The following SMYD3 variants were observed in gnomAD, a reference collection of about 807,000 sequenced individuals.
SMYD3 encodes histone-lysine N-methyltransferase SMYD3.
A neutral mutation model predicts 57.7 loss-of-function variants in SMYD3; 36 were observed. The observed-to-expected ratio is 0.62, with a 90% CI of 0.48 to 0.82. The LOEUF (loss-of-function observed/expected upper bound fraction) is 0.82. Among genes scored for constraint, SMYD3 ranks in the 40% least tolerant of loss-of-function variants. SMYD3 has a pLI of 0.00. For missense variants in SMYD3, 515 were observed against 538.8 expected (o/e 0.96, Z 0.44); for synonymous variants, 211 against 195.0 (o/e 1.08, Z -0.68).
chr1:245,996,598 C>G (rs1466169324), intron 5 of SMYD3, among the ~76,000 whole-genome samples: 1 of 152,218 alleles, frequency 6.6e-6, no homozygotes, highest in African/African-American at 2.4e-5. Context: ...CAGTAACTAT[C>G]TGGTGAATGT....
chr1:246,228,047 G>A lies in SMYD3; in HGVS notation c.531+99154C>T, dbSNP rs150644555. 9.9e-4 allele frequency among the ~76,000 whole-genome samples: 139 copies of A among 139,980 alleles called. 5 individuals are homozygous for A. In the South Asian group the frequency reaches 0.013, roughly 13 times the overall value. The allele number at this position is 139,980 out of a possible 152,430, so 91.8% of individuals were successfully genotyped here. On this transcript the variant is annotated intron_variant, in intron 5 of 11. Transcript: ENST00000490107. Reference sequence around the variant, plus strand: ...GTGCAGTGGCAGATCTCCACTGACTGCAACCTCCGCCTCCCGGGTTCAGGC... The same window carrying A: ...GTGCAGTGGCAGATCTCCACTGACTACAACCTCCGCCTCCCGGGTTCAGGC...
chr1:246,502,165 G>A (rs1342342006), intron 1 of SMYD3, among the ~76,000 whole-genome samples: 2 of 150,150 alleles, frequency 1.3e-5, no homozygotes, highest in Non-Finnish European at 3.0e-5. Context: ...TTGAGACAGG[G>A]TCTCACTCTG....
chr1:246,412,045 G>A (rs1260414933), intron 1 of SMYD3, among the ~76,000 whole-genome samples: 1 of 150,884 alleles, frequency 6.6e-6, no homozygotes, highest in Non-Finnish European at 1.5e-5. Context: ...ACCTCTCCCT[G>A]GCTGAGCCAA....
At chr1:246,412,060 C>T (rs1182138865) in intron 1 of SMYD3, among the ~76,000 whole-genome samples, 11 of 151,872 alleles carry the variant, frequency 7.2e-5, no homozygotes, top group Non-Finnish European at 7.4e-5. Flanking sequence ...AGCCAACTTG[C>T]TTTGCGTTAA....
chr1:246,002,315 G>C (rs1481852092), intron 5 of SMYD3, among the ~76,000 whole-genome samples: 8 of 82,846 alleles, frequency 9.7e-5, no homozygotes, highest in African/African-American at 2.4e-4. Context: ...CTCCCGAGTA[G>C]CTGGGACTGC....
At chr1:246,504,369 T>G (rs1279124828) in intron 1 of SMYD3, among the ~76,000 whole-genome samples, 3 of 152,250 alleles carry the variant, frequency 2.0e-5, no homozygotes, top group African/African-American at 7.2e-5. Context: ...TTGTCTGTAC[T>G]GCCTACTGCT....
chr1:246,433,574 T>G (rs1212116705), intron 1 of SMYD3, among the ~76,000 whole-genome samples: 1 of 152,144 alleles, frequency 6.6e-6, no homozygotes, highest in Non-Finnish European at 1.5e-5. Context: ...GGCGGGAGAA[T>G]TGCTTGAATT....
chr1:246,321,395 T>G (rs903194188), intron 5 of SMYD3, among the ~76,000 whole-genome samples: 7 of 152,230 alleles, frequency 4.6e-5, no homozygotes, highest in African/African-American at 1.4e-4. Flanking sequence ...TAGATATTAG[T>G]ATTTCCATTT....
intron 5 of SMYD3, among the ~76,000 whole-genome samples, chr1:246,307,560 C>T (rs1435581547): frequency 6.6e-6 from 1 of 151,296 alleles, no homozygotes; most frequent in Non-Finnish European, 1.5e-5. Context: ...GCTGGGACTA[C>T]AGGCGCCCGC....
At chr1:245,976,465 TCGTCTCCGGCCC>T in intron 5 of SMYD3, among the ~76,000 whole-genome samples, 1 of 43,852 alleles carries the variant, frequency 2.3e-5, no homozygotes, top group African/African-American at 7.6e-5. Context: ...GGGAAAGCCA[TCGTCTCCGGCCC>T]AGGGAAAGCC....
chr1:245,836,536 T>G (rs1316491), intron 10 of SMYD3, among the ~76,000 whole-genome samples: 54,047 of 152,072 alleles, frequency 0.36, 9,733 homozygotes, highest in African/African-American at 0.42. Context: ...GGTTGGGGTT[T>G]GTGTGTTCCA....
intron 5 of SMYD3, among the ~76,000 whole-genome samples, chr1:246,234,750 A>T (rs1174463213): frequency 1.3e-5 from 2 of 152,220 alleles, no homozygotes; most frequent in Non-Finnish European, 2.9e-5. Flanking sequence ...GTGCACTGTA[A>T]ATGTTAATTT....
chr1:246,456,915 G>C (rs1294129586), intron 1 of SMYD3, among the ~76,000 whole-genome samples: 8 of 152,184 alleles, frequency 5.3e-5, no homozygotes, highest in African/African-American at 1.9e-4. Context: ...ATTCCACCTA[G>C]TACACCGAAT....
At chr1:245,872,124 C>A (rs1055505903) in intron 8 of SMYD3, among the ~76,000 whole-genome samples, 1 of 151,766 alleles carries the variant, frequency 6.6e-6, no homozygotes, top group Non-Finnish European at 1.5e-5. Context: ...TACTGCCTGG[C>A]GGCAATGAGC....
At chr1:246,352,047 G>GCTGTAGTCCC (rs1228081297) in intron 2 of SMYD3, among the ~76,000 whole-genome samples, 8 of 142,522 alleles carry the variant, frequency 5.6e-5, no homozygotes, top group African/African-American at 7.8e-5. Context: ...TGAGGCCCAA[G>GCTGTAGTCCC]AATTGCTTGA....
At chr1:246,463,661 C>CAAAAAAAAAA (rs35482116) in intron 1 of SMYD3, among the ~76,000 whole-genome samples, 157 of 73,098 alleles carry the variant, frequency 2.1e-3, no homozygotes, top group African/African-American at 4.0e-3. Context: ...ACTAAAAATA[C>CAAAAAAAAAA]AAAAAAAAAA....
chr1:245,850,081 C>A (rs992271931), intron 10 of SMYD3, among the ~76,000 whole-genome samples: 4 of 152,114 alleles, frequency 2.6e-5, no homozygotes, highest in African/African-American at 9.7e-5. Flanking sequence ...GAATTGATAT[C>A]CTTGTCCCAG....
At chr1:246,403,951 T>C (rs915193) in intron 1 of SMYD3, among the ~76,000 whole-genome samples, 151,197 of 152,302 alleles carry the variant, frequency 0.99, 75,061 homozygotes, top group East Asian at 1. Context: ...AAGGGTCTCA[T>C]GGAAATTTAT....
At chr1:246,154,275 C>A in intron 5 of SMYD3, among the ~76,000 whole-genome samples, 1 of 152,312 alleles carries the variant, frequency 6.6e-6, no homozygotes, top group South Asian at 2.1e-4. Context: ...ATTTCTCTTA[C>A]TAAGTGAATG....
Sources: allele counts gnomAD v4.1 joint callset (sites outside exome capture counted in the v4.1 genomes callset), GRCh38; gene constraint gnomAD v4.1.1; transcripts MANE v1.5; gene names NCBI Gene and HGNC (gene_info 2026-07-23, HGNC 2026-07-21).